The following USP12 variants were observed in gnomAD, a reference collection of about 807,000 sequenced individuals.
USP12 encodes the protein ubiquitin specific peptidase 12, also known as ubiquitin carboxyl-terminal hydrolase 12.
A neutral mutation model predicts 45.5 loss-of-function variants in USP12; 19 were observed. That is an observed-to-expected ratio of 0.42 (90% CI 0.29 to 0.61). The LOEUF (loss-of-function observed/expected upper bound fraction) is 0.61. Among genes scored for constraint, USP12 ranks in the 20% least tolerant of loss-of-function variants. The pLI is 0.22. For synonymous variants in USP12, 149 were observed against 148.8 expected (o/e 1.00, Z -0.01); for missense variants, 242 against 447.7 (o/e 0.54, Z 4.15).
At chr13:27,080,688 C>T (rs531367475) in intron 6 of USP12, among the ~76,000 whole-genome samples, 1 of 152,262 alleles carries the variant, frequency 6.6e-6, no homozygotes, top group Admixed American at 6.5e-5. Context: ...ATCTTGGACA[C>T]GCAGCAAGTT....
At chr13:27,152,211 C>A (rs1413716171) in intron 1 of USP12, among the ~76,000 whole-genome samples, 3 of 151,992 alleles carry the variant, frequency 2.0e-5, no homozygotes, top group Non-Finnish European at 4.4e-5. Context: ...TTCATAATAC[C>A]CATAAGGTAG....
At chr13:27,138,197 CAGA>C (rs1419165468) in intron 1 of USP12, among the ~76,000 whole-genome samples, 1 of 152,148 alleles carries the variant, frequency 6.6e-6, no homozygotes, top group African/African-American at 2.4e-5. Context: ...TTACACAGCA[CAGA>C]AGAATACTGC....
At chr13:27,103,825 G>A (rs979332100) in intron 3 of USP12, among the ~76,000 whole-genome samples, 1 of 149,282 alleles carries the variant, frequency 6.7e-6, no homozygotes. Flanking sequence ...AAAAAATAAC[G>A]AACACTGTAA....
At chr13:27,092,191 C>T (rs1874348953) in intron 4 of USP12, among the ~76,000 whole-genome samples, 1 of 151,966 alleles carries the variant, frequency 6.6e-6, no homozygotes, top group Non-Finnish European at 1.5e-5. Flanking sequence ...GGAAGAACTA[C>T]CAAACTCCAA....
chr13:27,085,180 C>CT lies in USP12; in HGVS notation c.734+4702dup, dbSNP rs869073528. Among the ~76,000 whole-genome samples, 303 of 72,596 alleles carry CT rather than the reference C, an allele frequency of 4.2e-3. 1 individual carries two copies. Among genetic ancestry groups the CT allele is most frequent in the Middle Eastern group, 0.013 (2 of 150 alleles). 47.6% of individuals were successfully genotyped at this position (72,596 alleles called of 152,430 possible). A position where few individuals can be genotyped will look rare whatever the true frequency, so the allele number is the denominator to read the frequency against. Reference sequence around the variant, plus strand: ...TTCTTTTTTCTTTCTTTCTTTCTTTCTTTTTTTTTTGAGATGGAGTCTCGC... The same window carrying CT: ...TTCTTTTTTCTTTCTTTCTTTCTTTCTTTTTTTTTTTGAGATGGAGTCTCGC... On this transcript the variant is annotated intron_variant, in intron 6 of 8. Transcript: ENST00000282344.
At chr13:27,128,134 A>G (rs1461281859) in intron 1 of USP12, among the ~76,000 whole-genome samples, 2 of 152,236 alleles carry the variant, frequency 1.3e-5, no homozygotes, top group African/African-American at 4.8e-5. Context: ...CTTTTAACTC[A>G]GTCAAGATAT....
chr13:27,077,039 GT>G (rs1873521600), intron 6 of USP12, among the ~76,000 whole-genome samples: 1 of 152,054 alleles, frequency 6.6e-6, no homozygotes, highest in Non-Finnish European at 1.5e-5. Context: ...CTTTTACATT[GT>G]AAAAAATCCC....
At position 27,075,197 on chromosome 13, in the gene USP12, C is replaced by T; in HGVS notation, c.926G>A (p.Cys309Tyr). 1 of 1,613,898 alleles carries T rather than the reference C, an allele frequency of 6.2e-7. No individual in the cohort carries two copies. The highest frequency in any genetic ancestry group is 8.5e-7 in the Non-Finnish European group (1 of 1,179,826). The change falls in exon 7 of 9, where the codon TGT becomes TAT. Residue 309 changes from cysteine to tyrosine, a missense_variant. Cys to Tyr is a radical substitution (Grantham distance 194). Transcript: ENST00000282344. Reference sequence around the variant, plus strand: ...TCCCCGGAGTTGCAATTACCTTCCACAGTGAACCACAACAGCAACAAGGTC... The same window carrying T: ...TCCCCGGAGTTGCAATTACCTTCCATAGTGAACCACAACAGCAACAAGGTC... ...MYDLVAVVVH[C>Y]GSGPNRGHYI...
intron 1 of USP12, among the ~76,000 whole-genome samples, chr13:27,121,440 C>T (rs1048225986): frequency 5.3e-5 from 8 of 152,178 alleles, no homozygotes; most frequent in South Asian, 2.1e-4. Context: ...AATCCACCCA[C>T]GAAGAATTCC....
chr13:27,120,470 T>C (rs764723822), intron 1 of USP12, among the ~76,000 whole-genome samples: 1 of 152,040 alleles, frequency 6.6e-6, no homozygotes, highest in Non-Finnish European at 1.5e-5. Context: ...CTGGCCAACA[T>C]GGTGAAACCC....
chr13:27,096,582 C>T (rs1874593414), intron 3 of USP12, among the ~76,000 whole-genome samples: 1 of 152,122 alleles, frequency 6.6e-6, no homozygotes, highest in Non-Finnish European at 1.5e-5. Flanking sequence ...CATTTGATCC[C>T]CAACAACCAT....
intron 1 of USP12, among the ~76,000 whole-genome samples, chr13:27,169,639 G>T (rs781213796): frequency 2.0e-5 from 3 of 152,160 alleles, no homozygotes; most frequent in Non-Finnish European, 4.4e-5. Context: ...GGAAGCCCTA[G>T]AAAGAGCTTC....
At chr13:27,075,047 A>G (rs1873414280) in intron 7 of USP12, 144 bp downstream of exon 7, 1 of 680,464 alleles carries the variant, frequency 1.5e-6, no homozygotes, top group Non-Finnish European at 2.2e-6. Context: ...ACATAAAGCT[A>G]AAACTCCATT....
chr13:27,153,001 G>A (rs1338132159), intron 1 of USP12, among the ~76,000 whole-genome samples: 1 of 149,652 alleles, frequency 6.7e-6, no homozygotes, highest in African/African-American at 2.5e-5. Flanking sequence ...TCAACTTGGA[G>A]TCTTTTTTGA....
At chr13:27,071,245 A>C in intron 7 of USP12, 96 bp from the exon 8 acceptor site, 2 of 1,063,590 alleles carry the variant, frequency 1.9e-6, no homozygotes, top group Non-Finnish European at 2.7e-6. Flanking sequence ...AAACAGATAA[A>C]TAGCAGTAAA....
rs577241296 is a variant in USP12 at position 27,112,988 on chromosome 13, C to A, written c.129+3528G>T. Among the ~76,000 whole-genome samples the A allele has an allele frequency of 2.0e-5, 3 of 152,296 alleles. No individual in the cohort carries two copies. In the South Asian group the frequency reaches 6.2e-4, roughly 32 times the overall value. ...ATGGCTCATGCCTGTAATCCCAGCA[C>A]TTTGGGAGGCTGAGGCAGGAGGATC... On this transcript the variant is annotated intron_variant, in intron 2 of 8. Transcript: ENST00000282344.
intron 2 of USP12, among the ~76,000 whole-genome samples, chr13:27,106,407 G>C (rs1422189809): frequency 1.3e-5 from 2 of 151,840 alleles, no homozygotes; most frequent in African/African-American, 4.8e-5. Flanking sequence ...AGACGGGGGA[G>C]GGGGCGGGCG....
chr13:27,107,086 A>G (rs1875176567), intron 2 of USP12, among the ~76,000 whole-genome samples: 1 of 152,154 alleles, frequency 6.6e-6, no homozygotes, highest in African/African-American at 2.4e-5. Context: ...GCACTTTGGG[A>G]GGCCGAGGCA....
At chr13:27,136,227 G>A (rs1404420940) in intron 1 of USP12, among the ~76,000 whole-genome samples, 2 of 152,178 alleles carry the variant, frequency 1.3e-5, no homozygotes, top group African/African-American at 2.4e-5. Flanking sequence ...CCTTGGCGGG[G>A]CGCGGTGCTC....
Sources: gnomAD v4.1 joint callset for allele counts (sites outside exome capture counted in the v4.1 genomes callset) on GRCh38, gnomAD v4.1.1 for gene constraint, MANE v1.5 for transcripts, NCBI Gene and HGNC (gene_info 2026-07-23, HGNC 2026-07-21) for gene names.